Variants in TET2 observed in about 807,000 individuals in gnomAD.
TET2 encodes tet methylcytosine dioxygenase 2, also known as methylcytosine dioxygenase TET2.
A neutral mutation model predicts 142.9 loss-of-function variants in TET2; 299 were observed. The ratio of observed to expected loss-of-function variants is 2.09; its 90% CI spans 1.90 to 2.30. The LOEUF is 2.30. Among genes scored for constraint, TET2 ranks in the 30% most tolerant of loss-of-function variants. The pLI is 0.00. For missense variants in TET2, 2,418 were observed against 2,378.0 expected, an observed-to-expected ratio of 1.02 and a Z score of -0.35; for synonymous variants, 819 against 849.0, an observed-to-expected ratio of 0.96 and a Z score of 0.61.
rs557457412 is a variant in TET2 at position 105,222,374 on chromosome 4, T to C, written c.-46-11523T>C. 3.8e-3 allele frequency among the ~76,000 whole-genome samples: 584 copies of C among 152,266 alleles called. 3 individuals carry two copies. Among genetic ancestry groups the C allele is most frequent in the Non-Finnish European group, 6.0e-3 (406 of 68,008 alleles). ...TATTTCTCCACATCCTCTCCAGCAC[T>C]TGTTGTGTCCTCACTTTTTAATGAT... On this transcript the variant is annotated intron_variant, in intron 2 of 10. Coordinates refer to ENST00000380013, the MANE Select transcript of TET2 (RefSeq NM_001127208.3).
At chr4:105,155,070 A>G (rs1427592829) in intron 1 of TET2, among the ~76,000 whole-genome samples, 1 of 152,154 alleles carries the variant, frequency 6.6e-6, no homozygotes, top group African/African-American at 2.4e-5. Flanking sequence ...AAATTACTAC[A>G]AAGTGCAGTT....
intron 1 of TET2, among the ~76,000 whole-genome samples, chr4:105,188,882 A>C (rs753253642): frequency 6.6e-6 from 1 of 152,112 alleles, no homozygotes; most frequent in African/African-American, 2.4e-5. Context: ...CCTAATGGGT[A>C]CTGGGTTTTT....
At chr4:105,233,359 G>T (rs554268594) in intron 2 of TET2, among the ~76,000 whole-genome samples, 4 of 130,868 alleles carry the variant, frequency 3.1e-5, no homozygotes. Context: ...ACTCCAGCCT[G>T]GGCAAGAGAG....
intron 2 of TET2, among the ~76,000 whole-genome samples, chr4:105,192,560 TTTA>T (rs1158235610): frequency 6.6e-6 from 1 of 152,194 alleles, no homozygotes; most frequent in Admixed American, 6.5e-5. Flanking sequence ...TGGTATTTGT[TTTA>T]TTATTAACCA....
At chr4:105,147,580 T>C (rs1723087331) in intron 1 of TET2, 1 of 152,076 alleles carries the variant, frequency 6.6e-6, no homozygotes, top group Non-Finnish European at 1.5e-5. Context: ...GTGGGTTTTT[T>C]TTTTCCTTAA....
intron 1 of TET2, chr4:105,171,594 T>C (rs1240469165): frequency 6.6e-6 from 1 of 152,158 alleles, no homozygotes; most frequent in Non-Finnish European, 1.5e-5. Flanking sequence ...TACTGAGATA[T>C]CTTCTGTAAT....
At chr4:105,220,650 T>C (rs1244038908) in intron 2 of TET2, among the ~76,000 whole-genome samples, 1 of 152,120 alleles carries the variant, frequency 6.6e-6, no homozygotes, top group African/African-American at 2.4e-5. Flanking sequence ...GGACTTTGGA[T>C]GTTGCTATTT....
chr4:105,174,414 A>G (rs1724659035), intron 1 of TET2, among the ~76,000 whole-genome samples: 1 of 152,214 alleles, frequency 6.6e-6, no homozygotes, highest in African/African-American at 2.4e-5. Flanking sequence ...CTCTTTAAAA[A>G]CACAACAAGT....
In TET2 at chr4:105,272,545, T is replaced by G. The variant is rs1286340640; in HGVS notation, c.4183-19T>G. ...TTGGGACCTGTAGTTGAGGCTGTAATGTCTTACTTCCCTACCAGGTATGCA... is the reference window on the plus strand; with the variant it reads ...TTGGGACCTGTAGTTGAGGCTGTAAGGTCTTACTTCCCTACCAGGTATGCA... On this transcript the variant is annotated intron_variant, in intron 9 of 10. Coordinates refer to ENST00000380013, the MANE Select transcript of TET2 (RefSeq NM_001127208.3). The G allele has an allele frequency of 5.5e-6, 8 of 1,458,616 alleles. No individual in the cohort carries two copies. Among genetic ancestry groups the G allele is most frequent in the Non-Finnish European group, 7.3e-6 (8 of 1,095,506 alleles). The allele number at this position is 1,458,616 out of a possible 1,614,324, so 90.4% of individuals were successfully genotyped here. A position where few individuals can be genotyped will look rare whatever the true frequency, so the allele number is the denominator to read the frequency against.
At chr4:105,209,049 G>GTA (rs36045001) in intron 2 of TET2, among the ~76,000 whole-genome samples, 1,754 of 43,770 alleles carry the variant, frequency 0.04, 224 homozygotes, top group Non-Finnish European at 0.09. Flanking sequence ...TCAAGGCATG[G>GTA]TATATATATA....
chr4:105,206,370 G>A (rs1374061186), intron 2 of TET2, among the ~76,000 whole-genome samples: 1 of 152,202 alleles, frequency 6.6e-6, no homozygotes, highest in Non-Finnish European at 1.5e-5. Context: ...CTTATGTCAG[G>A]GTGAGCCTGC....
At chr4:105,181,082 AATC>A (rs1250008282) in intron 1 of TET2, among the ~76,000 whole-genome samples, 32 of 152,266 alleles carry the variant, frequency 2.1e-4, no homozygotes, top group African/African-American at 7.7e-4. Context: ...TGATTCTGTA[AATC>A]ATCACTCTTA....
intron 1 of TET2, among the ~76,000 whole-genome samples, chr4:105,167,361 C>T (rs1320297909): frequency 6.6e-5 from 10 of 151,588 alleles, no homozygotes; most frequent in Non-Finnish European, 1.2e-4. Context: ...AAGAAAAGTG[C>T]GTATATGTGT....
At chr4:105,191,434 A>G (rs543128743) in intron 2 of TET2, among the ~76,000 whole-genome samples, 11 of 152,264 alleles carry the variant, frequency 7.2e-5, no homozygotes, top group African/African-American at 2.6e-4. Flanking sequence ...TTTTGCCTGA[A>G]CTATATAAGA....
chr4:105,208,430 G>A (rs1726957101), intron 2 of TET2, among the ~76,000 whole-genome samples: 1 of 152,086 alleles, frequency 6.6e-6, no homozygotes, highest in South Asian at 2.1e-4. Context: ...TGAGTTATCT[G>A]AAGGATCAAT....
intron 6 of TET2, among the ~76,000 whole-genome samples, chr4:105,258,148 TC>T (rs1479973378): frequency 6.6e-6 from 1 of 152,184 alleles, no homozygotes; most frequent in Non-Finnish European, 1.5e-5. Flanking sequence ...TGTCTTTTTT[TC>T]CCTTGAACAA....
chr4:105,221,983 T>C (rs9884296), intron 2 of TET2, among the ~76,000 whole-genome samples: 98,254 of 142,784 alleles, frequency 0.69, 34,591 homozygotes, highest in African/African-American at 0.84. Context: ...TTTGTTCTTG[T>C]GATAGTTTAC....
intron 1 of TET2, among the ~76,000 whole-genome samples, chr4:105,175,076 C>T (rs1304195264): frequency 6.6e-6 from 1 of 152,172 alleles, no homozygotes; most frequent in African/African-American, 2.4e-5. Flanking sequence ...AATTATAAGG[C>T]TACAGAATGC....
chr4:105,275,547 C>A lies in TET2; in HGVS notation c.5037C>A (p.Tyr1679Ter). The change falls in exon 11 of 11, where the codon TAC becomes TAA. Residue 1679 changes from tyrosine (Y) to a stop codon, truncating the protein, a stop_gained. Transcript: ENST00000380013. LOFTEE classifies it low-confidence loss of function (END_TRUNC). ...KLSLPPIHTL[Y>*]QPRFGNSQSF... ...GTCTACCACCCATCCATACACTTTACCAGCCAAGGTTTGGAAATAGCCAGA... is the reference window on the plus strand; with the variant it reads ...GTCTACCACCCATCCATACACTTTAACAGCCAAGGTTTGGAAATAGCCAGA... The A allele has an allele frequency of 6.4e-7, 1 of 1,551,696 alleles. No individual in the cohort carries two copies. The highest frequency in any genetic ancestry group is 8.7e-7 in the Non-Finnish European group (1 of 1,146,982).
Sources: allele counts gnomAD v4.1 joint callset (sites outside exome capture counted in the v4.1 genomes callset), GRCh38; gene constraint gnomAD v4.1.1; transcripts MANE v1.5; gene names NCBI Gene and HGNC (gene_info 2026-07-23, HGNC 2026-07-21).